The following ROBO2 variants were observed in gnomAD, a reference collection of about 807,000 sequenced individuals.
The protein encoded by ROBO2 is roundabout guidance receptor 2.
Under a neutral mutation model 160.8 loss-of-function variants are expected in ROBO2, and 53 were observed. The observed-to-expected ratio is 0.33, with a 90% CI of 0.26 to 0.41. ROBO2 has a LOEUF of 0.41. ROBO2 is among the 10% of genes least tolerant of loss of function. ROBO2 has a pLI of 1.00. For missense variants in ROBO2, 1,577 were observed against 1,722.4 expected (o/e 0.92, Z 1.49); for synonymous variants, 664 against 611.7 (o/e 1.09, Z -1.26).
Position 76,049,401 on chromosome 3 carries a change from A to ATTTTTTTTTT in ROBO2, c.109+111800_109+111801insTTTTTTTTTT, listed in dbSNP as rs1306305555. 4.3e-3 allele frequency among the ~76,000 whole-genome samples: 275 copies of ATTTTTTTTTT among 63,546 alleles called. 6 individuals are homozygous for ATTTTTTTTTT. Among genetic ancestry groups the ATTTTTTTTTT allele is most frequent in the Middle Eastern group, 0.013 (1 of 76 alleles). 41.7% of individuals were successfully genotyped at this position (63,546 alleles called of 152,430 possible). On this transcript the variant is annotated intron_variant, in intron 2 of 26. Transcript: ENST00000487694. Reference sequence around the variant, plus strand: ...AATTTTAGTATATATATATATATATATATTTTTTTTTTTTTTTTTTTTTGT... The same window carrying ATTTTTTTTTT: ...AATTTTAGTATATATATATATATATATTTTTTTTTTTATTTTTTTTTTTTTTTTTTTTTGT...
rs2079377308 is a variant in ROBO2 at position 77,437,147 on chromosome 3, C to T, written c.389-40267C>T. 3.3e-5 allele frequency among the ~76,000 whole-genome samples: 5 copies of T among 152,056 alleles called. No individual in the cohort carries two copies. In the South Asian group the frequency reaches 1.0e-3, roughly 31 times the overall value. Reference sequence around the variant, plus strand: ...AGGATGACAGATTTTTGCTTTTAACCACTAAAGTGGAACCACCCTGTGGCA... The same window carrying T: ...AGGATGACAGATTTTTGCTTTTAACTACTAAAGTGGAACCACCCTGTGGCA... On this transcript the variant is annotated intron_variant, in intron 2 of 25. Transcript: ENST00000461745.
intron 2 of ROBO2, among the ~76,000 whole-genome samples, chr3:77,387,681 C>A (rs1161779251): frequency 1.3e-5 from 2 of 151,962 alleles, no homozygotes; most frequent in Non-Finnish European, 2.9e-5. Context: ...TACAAGAATC[C>A]GCCTTTCCTT....
At chr3:76,183,656 T>C (rs1468210926) in intron 2 of ROBO2, among the ~76,000 whole-genome samples, 1 of 152,056 alleles carries the variant, frequency 6.6e-6, no homozygotes, top group Admixed American at 6.6e-5. Flanking sequence ...ATTTAATTTC[T>C]AGTAGGGGCA....
intron 2 of ROBO2, among the ~76,000 whole-genome samples, chr3:76,688,602 G>GGCGT (rs1553869056): frequency 2.7e-5 from 4 of 148,660 alleles, no homozygotes; most frequent in South Asian, 4.3e-4. Context: ...AAATTTTAGT[G>GGCGT]GTGTGTGTGT....
chr3:77,225,194 C>T, intron 2 of ROBO2, among the ~76,000 whole-genome samples: 1 of 151,824 alleles, frequency 6.6e-6, no homozygotes, highest in Middle Eastern at 3.4e-3. Context: ...ATATACAGAC[C>T]TCTTCCCACA....
intron 2 of ROBO2, among the ~76,000 whole-genome samples, chr3:77,344,885 A>T (rs2067461720): frequency 6.6e-6 from 1 of 152,088 alleles, no homozygotes; most frequent in Non-Finnish European, 1.5e-5. Flanking sequence ...TCTTCTTGAT[A>T]TATTCCTTAT....
At chr3:76,698,866 T>TGTACTTGTGATAAAAA (rs1423344444) in intron 2 of ROBO2, among the ~76,000 whole-genome samples, 2 of 152,200 alleles carry the variant, frequency 1.3e-5, no homozygotes, top group Non-Finnish European at 2.9e-5. Context: ...GTTTATATTT[T>TGTACTTGTGATAAAAA]GTACTTGTGA....
intron 2 of ROBO2, among the ~76,000 whole-genome samples, chr3:76,897,326 T>C (rs1417911601): frequency 1.3e-5 from 2 of 152,072 alleles, no homozygotes; most frequent in East Asian, 3.9e-4. Context: ...GTTTCAGCAG[T>C]TTTGTAAAAC....
At chr3:77,386,381 A>G (rs1448075904) in intron 2 of ROBO2, among the ~76,000 whole-genome samples, 4 of 152,136 alleles carry the variant, frequency 2.6e-5, no homozygotes, top group Non-Finnish European at 5.9e-5. Flanking sequence ...TGATTTTCTA[A>G]AGCACACAGA....
chr3:76,577,731 C>A (rs1209805444), intron 2 of ROBO2, among the ~76,000 whole-genome samples: 1 of 152,094 alleles, frequency 6.6e-6, no homozygotes, highest in Non-Finnish European at 1.5e-5. Context: ...GAAGTAAAAA[C>A]CACTAGCATT....
chr3:76,561,838 T>C (rs535237116), intron 2 of ROBO2, among the ~76,000 whole-genome samples: 1 of 152,282 alleles, frequency 6.6e-6, no homozygotes, highest in African/African-American at 2.4e-5. Flanking sequence ...GACATAAGCC[T>C]TTTCTCCGTG....
At chr3:77,305,673 G>C (rs1182044216) in intron 2 of ROBO2, among the ~76,000 whole-genome samples, 1 of 152,138 alleles carries the variant, frequency 6.6e-6, no homozygotes, top group Non-Finnish European at 1.5e-5. Context: ...TTTCCTCCAA[G>C]TTCTGCACCG....
At chr3:76,985,390 G>T (rs2060317545) in intron 2 of ROBO2, among the ~76,000 whole-genome samples, 1 of 151,480 alleles carries the variant, frequency 6.6e-6, no homozygotes, top group Admixed American at 6.6e-5. Flanking sequence ...AGACCATCCT[G>T]GCTAACACGG....
chr3:77,052,933 G>C (rs537915661), intron 1 of ROBO2, among the ~76,000 whole-genome samples: 3 of 152,304 alleles, frequency 2.0e-5, no homozygotes, highest in Admixed American at 6.5e-5. Context: ...TAAGCACTGG[G>C]ATATAAGGGA....
chr3:76,382,636 C>T (rs2076693508), intron 2 of ROBO2, among the ~76,000 whole-genome samples: 1 of 152,122 alleles, frequency 6.6e-6, no homozygotes, highest in South Asian at 2.1e-4. Context: ...CTAATACAAC[C>T]TAATAATCTT....
At chr3:77,601,635 T>C (rs902322724) in intron 19 of ROBO2, among the ~76,000 whole-genome samples, 1 of 152,190 alleles carries the variant, frequency 6.6e-6, no homozygotes, top group Non-Finnish European at 1.5e-5. Context: ...GAAAATGGCT[T>C]ACACCTGAAA....
chr3:76,738,156 A>C (rs1411312060), intron 2 of ROBO2, among the ~76,000 whole-genome samples: 1 of 152,140 alleles, frequency 6.6e-6, no homozygotes, highest in East Asian at 1.9e-4. Flanking sequence ...AAATAAAAAA[A>C]AGAGAAGAAA....
chr3:76,820,640 G>T (rs1383200340), intron 2 of ROBO2, among the ~76,000 whole-genome samples: 2 of 151,890 alleles, frequency 1.3e-5, no homozygotes, highest in African/African-American at 4.8e-5. Context: ...GTTTATATCA[G>T]GAAATTCCAG....
At chr3:77,286,956 G>A (rs965814362) in intron 2 of ROBO2, among the ~76,000 whole-genome samples, 3 of 152,224 alleles carry the variant, frequency 2.0e-5, no homozygotes, top group African/African-American at 7.2e-5. Flanking sequence ...TTGTACAAGT[G>A]AAAGACAACT....
Sources: allele counts gnomAD v4.1 joint callset (sites outside exome capture counted in the v4.1 genomes callset), GRCh38; gene constraint gnomAD v4.1.1; transcripts MANE v1.5; gene names NCBI Gene and HGNC (gene_info 2026-07-23, HGNC 2026-07-21).